The following MTMR1 variants were observed in gnomAD, a reference collection of about 807,000 sequenced individuals.
The protein encoded by MTMR1 is myotubularin related protein 1.
A neutral mutation model predicts 51.6 loss-of-function variants in MTMR1; 17 were observed. The observed-to-expected ratio is 0.33, with a 90% CI of 0.23 to 0.49. The LOEUF (loss-of-function observed/expected upper bound fraction) is 0.49. Among genes scored for constraint, MTMR1 ranks in the 20% least tolerant of loss-of-function variants. MTMR1 has a pLI of 0.99. For synonymous variants in MTMR1, 201 were observed against 205.6 expected (o/e 0.98, Z 0.19); for missense variants, 386 against 526.9 (o/e 0.73, Z 2.62).
At chrX:150,725,443 G>GT (rs1376512409) in intron 4 of MTMR1, among the ~76,000 whole-genome samples, 1 of 112,195 alleles carries the variant, frequency 8.9e-6, no homozygotes, top group African/African-American at 3.2e-5. Flanking sequence ...CTTTATCAAA[G>GT]TTGTTTATCA....
intron 3 of MTMR1, among the ~76,000 whole-genome samples, chrX:150,714,826 A>G (rs1363395161): frequency 8.9e-6 from 1 of 112,023 alleles, no homozygotes; most frequent in Non-Finnish European, 1.9e-5. Context: ...TTACATAGAC[A>G]TAGAGGGGAC....
intron 9 of MTMR1, 84 bp downstream of exon 9, chrX:150,731,703 A>G (rs1422459723): frequency 3.4e-6 from 3 of 890,107 alleles, no homozygotes; most frequent in Non-Finnish European, 4.5e-6. Flanking sequence ...AAAAGAAACT[A>G]GTGAACAAAA....
chrX:150,726,932 G>A (rs1402857745), intron 4 of MTMR1, among the ~76,000 whole-genome samples: 1 of 111,249 alleles, frequency 9.0e-6, no homozygotes, highest in Non-Finnish European at 1.9e-5. Context: ...TATCACCCAG[G>A]GAAAATGTTA....
chrX:150,749,912 T>C (rs2042677731), intron 13 of MTMR1, among the ~76,000 whole-genome samples: 1 of 110,324 alleles, frequency 9.1e-6, no homozygotes, highest in Non-Finnish European at 1.9e-5. Context: ...AGGTCAGGAG[T>C]TGGAGACCAG....
intron 12 of MTMR1, among the ~76,000 whole-genome samples, chrX:150,737,795 G>A (rs1342416790): frequency 8.9e-6 from 1 of 111,821 alleles, no homozygotes; most frequent in Non-Finnish European, 1.9e-5. Context: ...GGCCAGGCGC[G>A]GTGGCTCAGG....
intron 2 of MTMR1, among the ~76,000 whole-genome samples, chrX:150,703,936 G>A (rs907960753): frequency 9.0e-6 from 1 of 111,643 alleles, no homozygotes; most frequent in Admixed American, 9.5e-5. Context: ...AGATAGAAGA[G>A]TGCTATCCTA....
intron 13 of MTMR1, among the ~76,000 whole-genome samples, chrX:150,749,473 T>C (rs2042665939): frequency 8.9e-6 from 1 of 112,062 alleles, no homozygotes; most frequent in Non-Finnish European, 1.9e-5. Context: ...TATTTTACTG[T>C]GTTTTTACAT....
rs1557417746 is a variant in MTMR1 at position 150,755,882 on chromosome X, C to CT, written c.1857+21dup. 1 of 1,164,021 alleles carries CT rather than the reference C, an allele frequency of 8.6e-7. No individual in the cohort carries two copies. Among genetic ancestry groups the CT allele is most frequent in the Non-Finnish European group, 1.2e-6 (1 of 867,006 alleles). On this transcript the variant is annotated intron_variant, in intron 15 of 15. Coordinates refer to ENST00000445323, the MANE Select transcript of MTMR1 (RefSeq NM_001306144.3). ...AGACCTCAGGTATCTTTTTGTTTTT[C>CT]TTTTCATGAATGAGAGAGTTTGCCT...
Position 150,764,944 on chromosome X carries a change from G to GT in MTMR1, c.*2216dup, listed in dbSNP as rs1557418413. ...ATGTTTGCTCCCTGGTCTTTTTTAA[G>GT]TAAGTAAGTAAGTATCTTAGTAGAT... On this transcript the variant is annotated 3_prime_UTR_variant, in exon 16 of 16. Coordinates refer to ENST00000445323, the MANE Select transcript of MTMR1 (RefSeq NM_001306144.3). The GT allele has an allele frequency of 8.9e-6, 1 of 111,899 alleles. No individual in the cohort carries two copies. The highest frequency in any genetic ancestry group is 1.9e-5 in the Non-Finnish European group (1 of 53,233). 9.2% of individuals were successfully genotyped at this position (111,899 alleles called of 1,213,427 possible).
chrX:150,757,277 C>T (rs1382660555), intron 15 of MTMR1, among the ~76,000 whole-genome samples: 1 of 112,617 alleles, frequency 8.9e-6, no homozygotes, highest in Non-Finnish European at 1.9e-5. Flanking sequence ...CTCCATGCTC[C>T]ATCTGCTGGG....
At chrX:150,723,490 A>G (rs1313813798) in intron 4 of MTMR1, among the ~76,000 whole-genome samples, 2 of 109,543 alleles carry the variant, frequency 1.8e-5, no homozygotes, top group South Asian at 7.9e-4. Flanking sequence ...AAGTGTTCCT[A>G]TTTCTCCACA....
At chrX:150,705,258 G>A (rs141957451) in intron 2 of MTMR1, among the ~76,000 whole-genome samples, 6 of 111,409 alleles carry the variant, frequency 5.4e-5, no homozygotes, top group Admixed American at 2.8e-4. Flanking sequence ...CACTGATGTC[G>A]TCAAAGTCCC....
chrX:150,755,997 G>A, intron 15 of MTMR1, 132 bp downstream of exon 15: 1 of 530,954 alleles, frequency 1.9e-6, no homozygotes, highest in Admixed American at 4.2e-5. Context: ...CTCCTGTCAG[G>A]GTTCAATCCT....
At chrX:150,753,263 A>G (rs782251668) in intron 14 of MTMR1, among the ~76,000 whole-genome samples, 20 of 112,123 alleles carry the variant, frequency 1.8e-4, no homozygotes, top group African/African-American at 6.5e-4. Flanking sequence ...TTGTTTCCAC[A>G]TTTTGGTTTT....
At position 150,764,691 on chromosome X, in the gene MTMR1, G is replaced by A. The variant is rs1368186083; in HGVS notation, c.*1962G>A. On this transcript the variant is annotated 3_prime_UTR_variant, in exon 16 of 16. Transcript: ENST00000445323. ...AGGACCCTAGAGGAGACTCTCATTC[G>A]ATTTTAAAGAAGCACAACGGGTCAT... The A allele has an allele frequency of 8.9e-6, 1 of 112,016 alleles. No individual in the cohort carries two copies. The highest frequency in any genetic ancestry group is 3.2e-5 in the African/African-American group (1 of 30,776). The allele number at this position is 112,016 out of a possible 1,213,427, so 9.2% of individuals were successfully genotyped here. A position where few individuals can be genotyped will look rare whatever the true frequency, so the allele number is the denominator to read the frequency against.
In MTMR1 at chrX:150,727,737, G is replaced by A. The variant is rs797032848; in HGVS notation, c.501G>A (p.Lys167=). 1.7e-6 allele frequency: 2 copies of A among 1,211,686 alleles called. No individual in the cohort carries two copies. Among genetic ancestry groups the A allele is most frequent in the Non-Finnish European group, 2.2e-6 (2 of 895,268 alleles). Residue 167 remains lysine (K), a synonymous_variant, in exon 6 of 16, where the codon AAG becomes AAA. Transcript: ENST00000445323. ...VPLGVISRVE[K]IGAQSHGDNS... ...TTGGAGTGATCAGCAGAGTGGAGAA[G>A]ATTGGAGCACAGAGCCATGGAGACA...
intron 3 of MTMR1, among the ~76,000 whole-genome samples, chrX:150,715,443 G>T (rs1479244011): frequency 8.9e-6 from 1 of 112,099 alleles, no homozygotes; most frequent in African/African-American, 3.2e-5. Flanking sequence ...AAGAGGAATG[G>T]GTGTGTTTAT....
chrX:150,713,606 C>T (rs952499611), intron 3 of MTMR1, among the ~76,000 whole-genome samples: 3 of 111,401 alleles, frequency 2.7e-5, no homozygotes, highest in Non-Finnish European at 3.8e-5. Context: ...TTTTTAGCCT[C>T]GGAGACTTGA....
intron 12 of MTMR1, among the ~76,000 whole-genome samples, chrX:150,741,106 A>G (rs1557417305): frequency 8.9e-6 from 1 of 111,921 alleles, no homozygotes; most frequent in African/African-American, 3.3e-5. Context: ...CATCGTCCCC[A>G]TTGGAGCCAG....
Sources: allele counts gnomAD v4.1 joint callset (sites outside exome capture counted in the v4.1 genomes callset), GRCh38; gene constraint gnomAD v4.1.1; transcripts MANE v1.5; gene names NCBI Gene and HGNC (gene_info 2026-07-23, HGNC 2026-07-21).